CDC14A: variants seen among roughly 807,000 people sequenced by gnomAD.
CDC14A encodes the protein dual specificity protein phosphatase CDC14A.
In CDC14A, 53 loss-of-function variants were observed where a neutral mutation model predicts 74.4. The ratio of observed to expected loss-of-function variants is 0.71; its 90% CI spans 0.57 to 0.89. The LOEUF is 0.89. Among genes scored for constraint, CDC14A ranks in the 40% least tolerant of loss-of-function variants. CDC14A has a pLI of 0.00. For synonymous variants in CDC14A, 247 were observed against 258.4 expected, an observed-to-expected ratio of 0.96 and a Z score of 0.43; for missense variants, 646 against 713.7, an observed-to-expected ratio of 0.91 and a Z score of 1.08.
In CDC14A at chr1:100,508,285, G is replaced by GTA. The variant is rs936711459; in HGVS notation, c.1755+9032_1755+9033dup. On this transcript the variant is annotated intron_variant, in intron 15 of 15. Transcript: ENST00000336454. This position sits in a 1 kb window ranked among gnomAD's most constrained non-coding sequence, Gnocchi z 4.4. ...CTTCTTATTCTTTTTATATGTGTGTGTATATATATAGATATATATATATAT... is the reference window on the plus strand; with the variant it reads ...CTTCTTATTCTTTTTATATGTGTGTGTATATATATATAGATATATATATATAT... 5.3e-5 allele frequency among the ~76,000 whole-genome samples: 8 copies of GTA among 151,166 alleles called. No individual in the cohort carries two copies. The highest frequency in any genetic ancestry group is 1.3e-4 in the Admixed American group (2 of 15,182).
chr1:100,380,951 G>A (rs1217417893), intron 3 of CDC14A, among the ~76,000 whole-genome samples: 1 of 152,184 alleles, frequency 6.6e-6, no homozygotes, highest in Non-Finnish European at 1.5e-5. Flanking sequence ...GCATCTTCTT[G>A]TCCTTTTGGA....
At chr1:100,370,222 G>A (rs984426707) in intron 2 of CDC14A, among the ~76,000 whole-genome samples, 2 of 151,754 alleles carry the variant, frequency 1.3e-5, no homozygotes, top group African/African-American at 4.8e-5. Flanking sequence ...GGGGTCAAGC[G>A]ATCGGCCTGC....
rs1216704716 is a variant in CDC14A, at chr1:100,518,472, C to T, written c.*192C>T. 1 of 530,256 alleles carries T rather than the reference C, an allele frequency of 1.9e-6. No individual in the cohort carries two copies. Among genetic ancestry groups the T allele is most frequent in the Non-Finnish European group, 3.4e-6 (1 of 293,866 alleles). 32.8% of individuals were successfully genotyped at this position (530,256 alleles called of 1,614,324 possible). A position where few individuals can be genotyped will look rare whatever the true frequency, so the allele number is the denominator to read the frequency against. ...AACTGGTTAATGACTACTATAAATGCACTGAAACTATGTTTATGGAGATTT... is the reference window on the plus strand; with the variant it reads ...AACTGGTTAATGACTACTATAAATGTACTGAAACTATGTTTATGGAGATTT... On this transcript the variant is annotated 3_prime_UTR_variant, in exon 16 of 16. Transcript: ENST00000336454.
chr1:100,497,824 C>T (rs1648092928), intron 13 of CDC14A, among the ~76,000 whole-genome samples: 2 of 152,126 alleles, frequency 1.3e-5, no homozygotes, highest in South Asian at 4.1e-4. Flanking sequence ...TTTTTGTTTC[C>T]TCACTTGTAA....
chr1:100,501,687 AG>A (rs1648750349), intron 15 of CDC14A, among the ~76,000 whole-genome samples: 1 of 152,210 alleles, frequency 6.6e-6, no homozygotes, highest in Non-Finnish European at 1.5e-5. Context: ...TGTAAGCCTC[AG>A]GCAGGTCCTT....
intron 3 of CDC14A, among the ~76,000 whole-genome samples, chr1:100,383,219 C>T (rs115868142): frequency 0.015 from 2,322 of 152,122 alleles, 63 homozygotes; most frequent in African/African-American, 0.053. Context: ...GGAAGAACCC[C>T]GTTTATAGAG....
intron 10 of CDC14A, among the ~76,000 whole-genome samples, chr1:100,482,822 A>T (rs908167237): frequency 6.6e-6 from 1 of 151,976 alleles, no homozygotes; most frequent in African/African-American, 2.4e-5. Flanking sequence ...AAAGATATAG[A>T]TATCTATATA....
chr1:100,397,757 A>G (rs964957379), intron 4 of CDC14A, among the ~76,000 whole-genome samples: 24 of 152,204 alleles, frequency 1.6e-4, no homozygotes, highest in Non-Finnish European at 2.2e-4. Context: ...TTCCTTACCC[A>G]CTTGTTAAGT....
At chr1:100,389,477 G>GTATA (rs533465284) in intron 3 of CDC14A, among the ~76,000 whole-genome samples, 1 of 149,872 alleles carries the variant, frequency 6.7e-6, no homozygotes, top group Non-Finnish European at 1.5e-5. Context: ...ATATATATGT[G>GTATA]TATATATATA....
intron 3 of CDC14A, among the ~76,000 whole-genome samples, chr1:100,382,703 G>A (rs985394406): frequency 3.3e-5 from 5 of 151,950 alleles, no homozygotes; most frequent in Admixed American, 3.3e-4. Flanking sequence ...CAGTAATCTT[G>A]AGGACTATTT....
At chr1:100,387,830 G>T (rs115833024) in intron 3 of CDC14A, among the ~76,000 whole-genome samples, 2,315 of 151,968 alleles carry the variant, frequency 0.015, 60 homozygotes, top group African/African-American at 0.053. Context: ...GAGAAAAAAC[G>T]AAACCAAGTA....
rs1234721103 is a variant in CDC14A at position 100,496,059 on chromosome 1, A to G, written c.1298+10A>G. ...TGTCCCAGCCTTTCAGGTACTGCCA[A>G]TGAGGTTGAATGTCTAGTAGCTTGT... On this transcript the variant is annotated intron_variant, in intron 13 of 15. Transcript: ENST00000336454. The G allele has an allele frequency of 1.7e-5, 27 of 1,607,022 alleles. No homozygotes were observed. The highest frequency in any genetic ancestry group is 2.0e-5 in the Non-Finnish European group (24 of 1,173,560).
At chr1:100,468,208 A>G in intron 10 of CDC14A, 114 bp downstream of exon 10, 2 of 1,176,572 alleles carry the variant, frequency 1.7e-6, no homozygotes, top group South Asian at 1.3e-5. Flanking sequence ...TGCATTGTTA[A>G]GAGAAGTGTG....
chr1:100,457,071 A>G (rs1418081765), intron 8 of CDC14A, among the ~76,000 whole-genome samples: 1 of 152,242 alleles, frequency 6.6e-6, no homozygotes, highest in Non-Finnish European at 1.5e-5. Flanking sequence ...ACTCAGGCCC[A>G]GGAAATGTTA....
At chr1:100,460,715 T>G (rs1187927711) in intron 8 of CDC14A, among the ~76,000 whole-genome samples, 2 of 152,246 alleles carry the variant, frequency 1.3e-5, no homozygotes, top group Non-Finnish European at 2.9e-5. Flanking sequence ...GTGTAGGTTA[T>G]TGTTTCTACA....
At chr1:100,351,653 G>C (rs981539591), upstream of CDC14A, 7 of 1,181,112 alleles carry the variant, frequency 5.9e-6, no homozygotes, top group Non-Finnish European at 7.3e-6. Context: ...CTGGCTCAGC[G>C]GTCTCGCCCC....
chr1:100,439,982 T>G lies in CDC14A; in HGVS notation c.440T>G (p.Leu147Trp). The G allele has an allele frequency of 1.9e-6, 3 of 1,612,956 alleles. No homozygotes were observed. Among genetic ancestry groups the G allele is most frequent in the Non-Finnish European group, 2.5e-6 (3 of 1,178,958 alleles). Residue 147 changes from leucine (L) to tryptophan (W), a missense_variant, in exon 6 of 16, where the codon TTG becomes TGG. By Grantham distance (61) the Leu-to-Trp change is moderately conservative. Coordinates refer to ENST00000336454, the MANE Select transcript of CDC14A (RefSeq NM_003672.4). The part of the protein sequence containing the change: ...CTYNLTILDC[L>W]QGIRKGLQHG... ...TACAATCTCACCATTCTCGACTGTT[T>G]GCAGGGAATCAGAAAGGTAATAACA...
At chr1:100,473,307 T>G (rs1234566891) in intron 10 of CDC14A, among the ~76,000 whole-genome samples, 1 of 152,150 alleles carries the variant, frequency 6.6e-6, no homozygotes, top group Non-Finnish European at 1.5e-5. Context: ...AGTACTTATT[T>G]TTTTTTAGCA....
chr1:100,425,618 G>A (rs546336248), intron 5 of CDC14A, among the ~76,000 whole-genome samples: 8 of 152,294 alleles, frequency 5.3e-5, no homozygotes, highest in Non-Finnish European at 8.8e-5. Flanking sequence ...AAGGAGTAAG[G>A]CATTGGGATT....
Sources: allele counts gnomAD v4.1 joint callset (sites outside exome capture counted in the v4.1 genomes callset), GRCh38; gene constraint gnomAD v4.1.1; non-coding constraint Gnocchi (gnomAD v3.1); transcripts MANE v1.5; gene names NCBI Gene and HGNC (gene_info 2026-07-23, HGNC 2026-07-21).